Variants in PHF6 observed in about 807,000 individuals in gnomAD.
The protein encoded by PHF6 is PHD-like zinc finger protein.
A neutral mutation model predicts 34.0 loss-of-function variants in PHF6; 7 were observed. The observed-to-expected ratio is 0.21, with a 90% CI of 0.12 to 0.39. PHF6 has a LOEUF of 0.39. PHF6 is among the 10% of genes least tolerant of loss of function. The probability of loss-of-function intolerance (pLI) is 1.00; values close to 1 mark genes in which losing one functional copy is unlikely to be tolerated. For missense variants in PHF6, 128 were observed against 262.8 expected (o/e 0.49, Z 3.55); for synonymous variants, 89 against 88.4 (o/e 1.01, Z -0.04).
In PHF6 at chrX:134,413,600, A is replaced by G. The variant is rs150815514; in HGVS notation, c.528A>G (p.Ser176=). 99 of 1,209,682 alleles carry G rather than the reference A, an allele frequency of 8.2e-5. No individual in the cohort carries two copies. The highest frequency in any genetic ancestry group is 1.1e-4 in the Non-Finnish European group (98 of 895,075). ...RPRKTNFKGL[S]EDTRSTSSHG... ...GAAAAACTAATTTTAAAGGGCTGTCAGAAGATACCAGGTCCACATCCTCCC... is the reference window on the plus strand; with the variant it reads ...GAAAAACTAATTTTAAAGGGCTGTCGGAAGATACCAGGTCCACATCCTCCC... Residue 176 remains serine (S), a synonymous_variant, in exon 6 of 11, where the codon TCA becomes TCG. Coordinates refer to ENST00000370803, the MANE Select transcript of PHF6 (RefSeq NM_001015877.2).
intron 3 of PHF6, among the ~76,000 whole-genome samples, chrX:134,383,590 G>A (rs767543367): frequency 8.9e-6 from 1 of 111,807 alleles, no homozygotes; most frequent in Non-Finnish European, 1.9e-5. Flanking sequence ...AATAGAAATA[G>A]CTAACATTTG....
intron 9 of PHF6, among the ~76,000 whole-genome samples, chrX:134,421,990 G>A (rs1273177832): frequency 1.8e-5 from 2 of 110,215 alleles, no homozygotes; most frequent in African/African-American, 6.6e-5. Flanking sequence ...GTGCAATGGT[G>A]CGATCACAAC....
At chrX:134,402,303 A>G (rs2077405892) in intron 5 of PHF6, among the ~76,000 whole-genome samples, 1 of 112,366 alleles carries the variant, frequency 8.9e-6, no homozygotes, top group Non-Finnish European at 1.9e-5. Flanking sequence ...CACAGTTTGC[A>G]TTACTTTTAT....
chrX:134,424,630 G>A (rs1369764769), intron 9 of PHF6, among the ~76,000 whole-genome samples: 3 of 111,939 alleles, frequency 2.7e-5, no homozygotes, highest in African/African-American at 9.7e-5. Flanking sequence ...GTAAAAACAA[G>A]AAGTTGGAAG....
intron 4 of PHF6, 134 bp from the exon 5 acceptor site, chrX:134,393,775 T>C (rs1248927989): frequency 1.3e-5 from 10 of 778,702 alleles, no homozygotes; most frequent in Non-Finnish European, 1.9e-5. Context: ...CTTAGAGAAA[T>C]AGTACAGGAA....
chrX:134,375,234 G>A (rs1445162444), intron 1 of PHF6, among the ~76,000 whole-genome samples: 1 of 111,626 alleles, frequency 9.0e-6, no homozygotes, highest in African/African-American at 3.3e-5. Context: ...TAATTGGTTT[G>A]GTGCACTTTT....
chrX:134,412,996 T>C (rs2077457236), intron 5 of PHF6, among the ~76,000 whole-genome samples: 1 of 112,045 alleles, frequency 8.9e-6, no homozygotes, highest in Non-Finnish European at 1.9e-5. Context: ...GTCCTGTATA[T>C]GTGCTGTCTA....
chrX:134,386,514 G>A (rs929806832), intron 3 of PHF6, among the ~76,000 whole-genome samples: 5 of 109,503 alleles, frequency 4.6e-5, no homozygotes, highest in African/African-American at 1.0e-4. Flanking sequence ...TGGTTCAAGC[G>A]ATTCTCCTGC....
At chrX:134,424,475 C>T (rs1016186380) in intron 9 of PHF6, among the ~76,000 whole-genome samples, 6 of 111,988 alleles carry the variant, frequency 5.4e-5, no homozygotes, top group Admixed American at 1.9e-4. Context: ...TGAAGCTAAC[C>T]AAGCCTTTAG....
rs1412454651 is a variant in PHF6 at position 134,427,140 on chromosome X, CAA to C, written c.*1481_*1482del. On this transcript the variant is annotated 3_prime_UTR_variant, in exon 11 of 11. Transcript: ENST00000370803. ...ACACATTTACTTAAATCAAGGGACT[CAA>C]TGCTTGCTTTTATTTTAACCATCTT... 5 of 163,319 alleles carry C rather than the reference CAA, an allele frequency of 3.1e-5. No individual in the cohort carries two copies. The highest frequency in any genetic ancestry group is 5.9e-5 in the Non-Finnish European group (5 of 84,665). The allele number at this position is 163,319 out of a possible 1,213,427, so 13.5% of individuals were successfully genotyped here.
rs1023953603 is a variant in PHF6 at position 134,426,460 on chromosome X, G to A, written c.*800G>A. The A allele has an allele frequency of 3.1e-5, 5 of 161,681 alleles. No individual in the cohort carries two copies. Among genetic ancestry groups the A allele is most frequent in the Non-Finnish European group, 6.0e-5 (5 of 83,226 alleles). 13.3% of individuals were successfully genotyped at this position (161,681 alleles called of 1,213,427 possible). On this transcript the variant is annotated 3_prime_UTR_variant, in exon 11 of 11. Transcript: ENST00000370803. ...GCTAAGGACTTCAGACACCATGTCC[G>A]AAACCTGTTCCTCTCAAGTGCCCTG...
intron 5 of PHF6, among the ~76,000 whole-genome samples, chrX:134,398,915 T>C (rs1452328350): frequency 2.7e-5 from 3 of 111,607 alleles, no homozygotes; most frequent in Non-Finnish European, 5.6e-5. Context: ...GATAGAAATT[T>C]GCCAAGTGTG....
chrX:134,417,137 C>CATT lies in PHF6; in HGVS notation c.835-32_835-31insATT, dbSNP rs758082288. ...AAATAGCTGCTGTTTTCTTGAAATA[C>CATT]GGCTTACGATTATTTCTCTTTCCTT... On this transcript the variant is annotated intron_variant, in intron 8 of 10. Coordinates refer to ENST00000370803, the MANE Select transcript of PHF6 (RefSeq NM_001015877.2). 6.6e-6 allele frequency: 8 copies of CATT among 1,203,752 alleles called. No individual in the cohort carries two copies. The East Asian group carries it at 2.4e-4, about 36-fold the overall frequency.
At chrX:134,421,528 G>A (rs1270643546) in intron 9 of PHF6, among the ~76,000 whole-genome samples, 3 of 111,114 alleles carry the variant, frequency 2.7e-5, no homozygotes, top group Non-Finnish European at 5.7e-5. Context: ...ATTGTATGGA[G>A]AATTATTGTA....
intron 3 of PHF6, among the ~76,000 whole-genome samples, chrX:134,388,570 G>A (rs1018283884): frequency 1.8e-5 from 2 of 111,194 alleles, no homozygotes; most frequent in African/African-American, 6.5e-5. Flanking sequence ...GTCAGTTACT[G>A]ACAGACATAT....
chrX:134,382,848 C>T (rs996318864), intron 3 of PHF6, among the ~76,000 whole-genome samples: 11 of 110,473 alleles, frequency 1.0e-4, no homozygotes, highest in Non-Finnish European at 1.9e-4. Context: ...TAATTGGTAC[C>T]GGTGTCAGAT....
intron 9 of PHF6, among the ~76,000 whole-genome samples, chrX:134,424,663 C>T (rs2077502234): frequency 8.9e-6 from 1 of 111,959 alleles, no homozygotes; most frequent in Non-Finnish European, 1.9e-5. Flanking sequence ...TTAAAAGAGA[C>T]ATAGCCAAAT....
intron 1 of PHF6, among the ~76,000 whole-genome samples, chrX:134,375,893 T>G (rs776713398): frequency 8.9e-6 from 1 of 112,042 alleles, no homozygotes; most frequent in African/African-American, 3.2e-5. Context: ...ATGTCCTTTT[T>G]TTTTCTTTAA....
At position 134,427,515 on chromosome X, in the gene PHF6, G is replaced by T. The variant is rs890651177; in HGVS notation, c.*1855G>T. On this transcript the variant is annotated 3_prime_UTR_variant, in exon 11 of 11. Transcript: ENST00000370803. ...ATTTTTTTTTTAGGAAAAATGGAAG[G>T]TGCCGGGGGTAATCATGGCCAGTCA... The T allele has an allele frequency of 8.9e-5, 14 of 157,629 alleles. No homozygotes were observed. Among genetic ancestry groups the T allele is most frequent in the African/African-American group, 3.7e-4 (12 of 32,738 alleles). 13.0% of individuals were successfully genotyped at this position (157,629 alleles called of 1,213,427 possible).
Sources: gnomAD v4.1 joint callset for allele counts (sites outside exome capture counted in the v4.1 genomes callset) on GRCh38, gnomAD v4.1.1 for gene constraint, MANE v1.5 for transcripts, NCBI Gene and HGNC (gene_info 2026-07-23, HGNC 2026-07-21) for gene names.